DPH6: variants seen among roughly 807,000 people sequenced by gnomAD.
The protein encoded by DPH6 is diphthine--ammonia ligase.
In DPH6, 33 loss-of-function variants were observed where a neutral mutation model predicts 38.2. That is an observed-to-expected ratio of 0.86 (90% CI 0.65 to 1.15). DPH6 has a LOEUF of 1.15. Among genes scored for constraint, DPH6 ranks in the 50% most tolerant of loss-of-function variants. The probability of loss-of-function intolerance (pLI) is 0.00; values close to 1 mark genes in which losing one functional copy is unlikely to be tolerated. For synonymous variants in DPH6, 108 were observed against 103.0 expected (o/e 1.05, Z -0.30); for missense variants, 325 against 320.0 (o/e 1.02, Z -0.12).
At chr15:35,412,973 A>C (rs2053386884) in intron 5 of DPH6, among the ~76,000 whole-genome samples, 1 of 147,288 alleles carries the variant, frequency 6.8e-6, no homozygotes, top group South Asian at 2.2e-4. Context: ...CCTTAATGTA[A>C]ACTATGAACT....
chr15:35,354,807 G>A (rs569545285), intron 3 of DPH6, among the ~76,000 whole-genome samples: 1 of 152,166 alleles, frequency 6.6e-6, no homozygotes, highest in East Asian at 1.9e-4. Context: ...AAATAAGTTA[G>A]GGAGGATTTC....
intron 3 of DPH6, among the ~76,000 whole-genome samples, chr15:35,362,234 T>C (rs2052620192): frequency 6.6e-6 from 1 of 152,168 alleles, no homozygotes; most frequent in South Asian, 2.1e-4. Flanking sequence ...TCTTACTCTG[T>C]AGAGTGTCTG....
rs369514948 is a variant in DPH6 at position 35,450,659 on chromosome 15, G to C, written c.505+26C>G. 7.3e-5 allele frequency: 115 copies of C among 1,570,478 alleles called. 1 individual carries two copies. Among genetic ancestry groups the C allele is most frequent in the Non-Finnish European group, 9.5e-5 (109 of 1,142,148 alleles). ...GAGATCATCTATGTGGCAACAAACA[G>C]CTCCCTTGATAGTTTGGCTGCATAC... is the stretch of plus-strand genomic sequence containing the variant. On this transcript the variant is annotated intron_variant, in intron 5 of 8. Coordinates refer to ENST00000256538, the MANE Select transcript of DPH6 (RefSeq NM_080650.4).
At chr15:35,158,939 G>C in the DPH6 span, among the ~76,000 whole-genome samples, 8,789 of 152,036 alleles carry the variant, frequency 0.058, 373 homozygotes, top group East Asian at 0.23. Flanking sequence ...AAAACACACA[G>C]GCTAAGCTCA....
At chr15:35,160,585 T>C in the DPH6 span, among the ~76,000 whole-genome samples, 30,673 of 151,584 alleles carry the variant, frequency 0.2, 3,313 homozygotes, top group East Asian at 0.38. Flanking sequence ...CAATAGGTAG[T>C]TTTTTGACCC....
At chr15:35,374,454 A>AT (rs1362209708) in intron 7 of DPH6, among the ~76,000 whole-genome samples, 3 of 152,096 alleles carry the variant, frequency 2.0e-5, no homozygotes, top group Non-Finnish European at 4.4e-5. Context: ...ATGTAAAAAT[A>AT]TTTTTGAATC....
At chr15:35,250,021 C>T (rs2051661599) in intron 3 of DPH6, among the ~76,000 whole-genome samples, 2 of 150,570 alleles carry the variant, frequency 1.3e-5, no homozygotes, top group Admixed American at 1.3e-4. Context: ...AAAAAATTAG[C>T]CGGGCGTGGT....
chr15:35,399,942 C>CAAGG (rs1462867675), intron 6 of DPH6, among the ~76,000 whole-genome samples: 1 of 152,148 alleles, frequency 6.6e-6, no homozygotes, highest in Admixed American at 6.5e-5. Context: ...ATCCAGGCAA[C>CAAGG]AAGGACTCCC....
intron 6 of DPH6, among the ~76,000 whole-genome samples, chr15:35,391,003 C>T (rs549987858): frequency 6.6e-5 from 10 of 152,138 alleles, no homozygotes; most frequent in African/African-American, 1.4e-4. Flanking sequence ...ATGATGGTGA[C>T]GTACAGATGG....
At chr15:35,357,327 C>T (rs138884863) in intron 3 of DPH6, among the ~76,000 whole-genome samples, 3,669 of 152,308 alleles carry the variant, frequency 0.024, 64 homozygotes, top group African/African-American at 0.051. Flanking sequence ...GAGATGAACC[C>T]GGTATCTCAG....
At chr15:35,355,980 TTTCTTTTTA>T (rs1240139183) in intron 3 of DPH6, among the ~76,000 whole-genome samples, 2 of 152,228 alleles carry the variant, frequency 1.3e-5, no homozygotes, top group Non-Finnish European at 2.9e-5. Flanking sequence ...GCTTTGTTCA[TTTCTTTTTA>T]TTCTTTTTTC....
At chr15:35,249,593 C>T (rs1422440389) in intron 3 of DPH6, among the ~76,000 whole-genome samples, 1 of 151,998 alleles carries the variant, frequency 6.6e-6, no homozygotes, top group East Asian at 1.9e-4. Flanking sequence ...TATTGAGAGA[C>T]AAGGATGTCT....
intron 3 of DPH6, among the ~76,000 whole-genome samples, chr15:35,250,234 A>G (rs547770941): frequency 1.7e-3 from 261 of 152,086 alleles, no homozygotes; most frequent in African/African-American, 6.1e-3. Flanking sequence ...ATAAAATTAT[A>G]TAAGATATAC....
chr15:35,310,194 A>C (rs1480600146), intron 3 of DPH6, among the ~76,000 whole-genome samples: 1 of 152,220 alleles, frequency 6.6e-6, no homozygotes, highest in Non-Finnish European at 1.5e-5. Context: ...CTTTAGGGAC[A>C]GTGGGATTCA....
At chr15:35,187,426 A>G in the DPH6 span, among the ~76,000 whole-genome samples, 4 of 152,224 alleles carry the variant, frequency 2.6e-5, no homozygotes, top group African/African-American at 7.2e-5. Flanking sequence ...ATGGATTAAT[A>G]TAACTACTCA....
At chr15:35,500,019 G>A (rs1293361971) in intron 3 of DPH6, among the ~76,000 whole-genome samples, 1 of 152,070 alleles carries the variant, frequency 6.6e-6, no homozygotes, top group Admixed American at 6.6e-5. Flanking sequence ...AGTTGATGAG[G>A]TAAGAGGTGC....
the DPH6 span, among the ~76,000 whole-genome samples, chr15:35,160,364 T>C: frequency 6.6e-6 from 1 of 151,966 alleles, no homozygotes; most frequent in Non-Finnish European, 1.5e-5. Context: ...TTCTCCATTT[T>C]TCCACAGAAA....
At chr15:35,339,222 T>G (rs1481207454) in intron 3 of DPH6, among the ~76,000 whole-genome samples, 1 of 151,424 alleles carries the variant, frequency 6.6e-6, no homozygotes, top group African/African-American at 2.4e-5. Context: ...ATTTCCCTCT[T>G]AACACTGTTT....
At chr15:35,534,259 C>T (rs2055133929) in intron 3 of DPH6, among the ~76,000 whole-genome samples, 1 of 151,384 alleles carries the variant, frequency 6.6e-6, no homozygotes, top group Non-Finnish European at 1.5e-5. Context: ...TGCCTGTAAT[C>T]CCAGCTACTC....
Sources: gnomAD v4.1 joint callset for allele counts (sites outside exome capture counted in the v4.1 genomes callset) on GRCh38, gnomAD v4.1.1 for gene constraint, MANE v1.5 for transcripts, NCBI Gene and HGNC (gene_info 2026-07-23, HGNC 2026-07-21) for gene names.